TDRD7: variants seen among roughly 807,000 people sequenced by gnomAD.
TDRD7 encodes tudor domain-containing protein 7.
TDRD7 carries 47 observed loss-of-function variants against 109.8 expected under a neutral mutation model. The ratio of observed to expected loss-of-function variants is 0.43; its 90% CI spans 0.34 to 0.55. TDRD7 has a LOEUF of 0.55. Among genes scored for constraint, TDRD7 ranks in the 20% least tolerant of loss-of-function variants. TDRD7 has a pLI of 0.03. For synonymous variants in TDRD7, 424 were observed against 457.3 expected, an observed-to-expected ratio of 0.93 and a Z score of 0.93; for missense variants, 1,164 against 1,319.2, an observed-to-expected ratio of 0.88 and a Z score of 1.82.
At chr9:97,475,594 A>G in intron 12 of TDRD7, 125 bp downstream of exon 12, 1 of 757,442 alleles carries the variant, frequency 1.3e-6, no homozygotes, top group Non-Finnish European at 2.3e-6. Flanking sequence ...GAAATAAAAC[A>G]TGACCAGTAT....
chr9:97,471,692 G>T (rs533245411), intron 9 of TDRD7, among the ~76,000 whole-genome samples: 1 of 152,230 alleles, frequency 6.6e-6, no homozygotes, highest in African/African-American at 2.4e-5. Flanking sequence ...ACTTAGAATT[G>T]TCATATATGT....
chr9:97,469,687 AT>A (rs758198427), intron 8 of TDRD7, among the ~76,000 whole-genome samples: 6 of 152,138 alleles, frequency 3.9e-5, no homozygotes, highest in Non-Finnish European at 5.9e-5. Context: ...GGTTTTCAAC[AT>A]TTCCCTTAGA....
chr9:97,473,437 G>A, intron 10 of TDRD7, 55 bp from the exon 11 acceptor site: 3 of 1,611,326 alleles, frequency 1.9e-6, no homozygotes, highest in South Asian at 2.2e-5. Flanking sequence ...CTTTAGGTAG[G>A]TAAGAGCTGC....
chr9:97,487,041 A>G, intron 15 of TDRD7, 131 bp from the exon 16 acceptor site: 1 of 1,073,448 alleles, frequency 9.3e-7, no homozygotes, highest in South Asian at 1.5e-5. Context: ...ACTTTTTTGA[A>G]AATATAGTTT....
At chr9:97,433,382 C>T (rs935436908) in intron 4 of TDRD7, among the ~76,000 whole-genome samples, 5 of 151,614 alleles carry the variant, frequency 3.3e-5, no homozygotes, top group African/African-American at 1.2e-4. Context: ...CAGATCTTGA[C>T]CCAAAGTGCT....
At chr9:97,430,275 T>G (rs985769088) in intron 2 of TDRD7, among the ~76,000 whole-genome samples, 1 of 152,228 alleles carries the variant, frequency 6.6e-6, no homozygotes, top group Non-Finnish European at 1.5e-5. Context: ...GAGACCCTGC[T>G]TGCCCTGCCT....
intron 8 of TDRD7, among the ~76,000 whole-genome samples, chr9:97,465,721 T>A (rs1828812580): frequency 1.3e-5 from 2 of 152,180 alleles, no homozygotes; most frequent in Non-Finnish European, 2.9e-5. Context: ...AGTGTATTTT[T>A]AATGTGTTAC....
At chr9:97,463,644 A>ACAGCT (rs1828769124) in intron 7 of TDRD7, among the ~76,000 whole-genome samples, 1 of 152,146 alleles carries the variant, frequency 6.6e-6, no homozygotes, top group Non-Finnish European at 1.5e-5. Context: ...TATGGCTGGG[A>ACAGCT]CAGCTTCTCT....
intron 6 of TDRD7, among the ~76,000 whole-genome samples, chr9:97,444,253 A>G (rs1006566374): frequency 6.6e-6 from 1 of 152,146 alleles, no homozygotes; most frequent in East Asian, 1.9e-4. Flanking sequence ...CTATCTATAT[A>G]TTGTGTCTGT....
At position 97,430,983 on chromosome 9, in the gene TDRD7, T is replaced by G; in HGVS notation, c.258T>G (p.Leu86=). ...ACTETARIAQ[L]VARQRSSKRK... ...CAGAAACTGCAAGAATTGCTCAGCT[T>G]GTGGCTCGTCAAAGGAGTTCTAAAA... Residue 86 remains leucine (L), a synonymous_variant, in exon 3 of 17, where the codon CTT becomes CTG. Transcript: ENST00000355295. 1 of 1,613,908 alleles carries G rather than the reference T, an allele frequency of 6.2e-7. No homozygotes were observed. Among genetic ancestry groups the G allele is most frequent in the Middle Eastern group, 1.7e-4 (1 of 6,058 alleles).
chr9:97,435,264 C>G (rs1828173699), intron 4 of TDRD7, among the ~76,000 whole-genome samples: 1 of 152,060 alleles, frequency 6.6e-6, no homozygotes, highest in Admixed American at 6.6e-5. Context: ...CAGTGAAGGA[C>G]ACATGGGACC....
intron 1 of TDRD7, among the ~76,000 whole-genome samples, chr9:97,414,163 C>T (rs376997944): frequency 6.6e-6 from 1 of 152,118 alleles, no homozygotes; most frequent in Non-Finnish European, 1.5e-5. Context: ...CTGCTTTTTC[C>T]TCCCTCCACT....
intron 4 of TDRD7, among the ~76,000 whole-genome samples, chr9:97,434,621 G>A (rs1372120388): frequency 6.6e-6 from 1 of 151,950 alleles, no homozygotes; most frequent in Non-Finnish European, 1.5e-5. Context: ...ATTTTTTCTT[G>A]TCAACTAAAA....
At chr9:97,458,502 T>G (rs758669348) in intron 6 of TDRD7, among the ~76,000 whole-genome samples, 21 of 152,148 alleles carry the variant, frequency 1.4e-4, no homozygotes, top group Non-Finnish European at 2.5e-4. Context: ...CTCCAACTAT[T>G]TGTGTCCCTA....
At chr9:97,480,575 T>C (rs1316468960) in intron 13 of TDRD7, 2 of 467,090 alleles carry the variant, frequency 4.3e-6, no homozygotes, top group Non-Finnish European at 8.0e-6. Flanking sequence ...GCAGAAGTAT[T>C]GTACGGTGGG....
At chr9:97,486,104 T>G (rs1251309681) in intron 15 of TDRD7, among the ~76,000 whole-genome samples, 1 of 152,168 alleles carries the variant, frequency 6.6e-6, no homozygotes, top group Non-Finnish European at 1.5e-5. Context: ...TCCAGCAGTG[T>G]GTTGTGGTAC....
chr9:97,470,916 A>C (rs1346491849), intron 9 of TDRD7, among the ~76,000 whole-genome samples: 2 of 152,088 alleles, frequency 1.3e-5, no homozygotes, highest in Non-Finnish European at 2.9e-5. Context: ...TCTTAAAGGG[A>C]TTTTTCTTGT....
chr9:97,478,659 T>C, intron 13 of TDRD7, 86 bp downstream of exon 13: 2 of 1,585,110 alleles, frequency 1.3e-6, no homozygotes, highest in Non-Finnish European at 1.7e-6. Context: ...TCAGTTTTGA[T>C]CTCATTAATT....
chr9:97,450,642 C>A (rs922968659), intron 6 of TDRD7, among the ~76,000 whole-genome samples: 1 of 152,008 alleles, frequency 6.6e-6, no homozygotes, highest in African/African-American at 2.4e-5. Flanking sequence ...TATAGCAATT[C>A]TTTATCTTTA....
Sources: gnomAD v4.1 joint callset for allele counts (sites outside exome capture counted in the v4.1 genomes callset) on GRCh38, gnomAD v4.1.1 for gene constraint, MANE v1.5 for transcripts, NCBI Gene and HGNC (gene_info 2026-07-23, HGNC 2026-07-21) for gene names.